NRXN1: variants seen among roughly 807,000 people sequenced by gnomAD.
The protein encoded by NRXN1 is neurexin 1, also known as neurexin-1.
NRXN1 carries 39 observed loss-of-function variants against 150.9 expected under a neutral mutation model. The ratio of observed to expected loss-of-function variants is 0.26; its 90% confidence interval spans 0.20 to 0.34. NRXN1 has a LOEUF of 0.34. Among genes scored for constraint, NRXN1 ranks in the 10% least tolerant of loss-of-function variants. The probability of loss-of-function intolerance (pLI) is 1.00; values close to 1 mark genes in which losing one functional copy is unlikely to be tolerated. For missense variants in NRXN1, 1,815 were observed against 1,949.9 expected (o/e 0.93, Z 1.30); for synonymous variants, 924 against 757.0 (o/e 1.22, Z -3.62).
intron 16 of NRXN1, among the ~76,000 whole-genome samples, chr2:50,469,360 G>T (rs899862061): frequency 6.6e-6 from 1 of 151,644 alleles, no homozygotes; most frequent in African/African-American, 2.4e-5. Context: ...GGCAACAAGT[G>T]ATTATTTAGG....
At chr2:50,446,395 C>G (rs2086404159) in intron 17 of NRXN1, among the ~76,000 whole-genome samples, 1 of 126,590 alleles carries the variant, frequency 7.9e-6, no homozygotes, top group Admixed American at 8.3e-5. Flanking sequence ...TTCCTATCTC[C>G]CCCTGCTTGC....
chr2:50,329,199 G>T (rs994455807), intron 17 of NRXN1, among the ~76,000 whole-genome samples: 1 of 152,060 alleles, frequency 6.6e-6, no homozygotes, highest in Non-Finnish European at 1.5e-5. Flanking sequence ...CATCAATAAA[G>T]AATTCTTGCA....
intron 17 of NRXN1, among the ~76,000 whole-genome samples, chr2:50,264,825 C>T (rs648046): frequency 0.41 from 62,504 of 151,782 alleles, 13,086 homozygotes; most frequent in Middle Eastern, 0.46. Flanking sequence ...GAAGTGGGAA[C>T]AAGACCATGA....
At chr2:50,425,018 C>T (rs2084366681) in intron 17 of NRXN1, among the ~76,000 whole-genome samples, 1 of 152,060 alleles carries the variant, frequency 6.6e-6, no homozygotes, top group Admixed American at 6.6e-5. Flanking sequence ...GACTGGACCT[C>T]AGAATAAGAA....
At chr2:50,043,097 C>CA (rs1691266427) in intron 21 of NRXN1, among the ~76,000 whole-genome samples, 1 of 152,140 alleles carries the variant, frequency 6.6e-6, no homozygotes, top group Admixed American at 6.5e-5. Flanking sequence ...ATACCAAATA[C>CA]AAATTTCAGA....
Position 50,497,701 on chromosome 2 carries a change from A to G in NRXN1, c.2511T>C (p.Gly837=), listed in dbSNP as rs780290017. Residue 837 remains glycine, a synonymous_variant, in exon 14 of 23, where the codon GGT becomes GGC. Coordinates refer to ENST00000401669, the MANE Select transcript of NRXN1 (RefSeq NM_001330078.2). ...TATGGAACTCCAGCCTAGTATGATC[A>G]CCTGCCATTTGACCTAAAAGAGAAG... The part of the protein sequence containing the change: ...DQQAMTGQMA[G]DHTRLEFHNI... The G allele has an allele frequency of 1.9e-6, 3 of 1,608,750 alleles. No individual in the cohort carries two copies. The highest frequency in any genetic ancestry group is 2.2e-5 in the South Asian group (2 of 90,560).
At chr2:50,019,411 G>A (rs1349206027) in intron 21 of NRXN1, 13 of 416,800 alleles carry the variant, frequency 3.1e-5, no homozygotes, top group South Asian at 1.9e-4. Context: ...TTGGGAGGCC[G>A]AGGTGGGTGG....
chr2:50,212,040 A>T (rs905215231), intron 18 of NRXN1, among the ~76,000 whole-genome samples: 1 of 151,542 alleles, frequency 6.6e-6, no homozygotes, highest in South Asian at 2.1e-4. Flanking sequence ...TTATTGGCAA[A>T]CTAAATCCAC....
chr2:50,151,430 A>T (rs1233033677), intron 18 of NRXN1, among the ~76,000 whole-genome samples: 2 of 151,912 alleles, frequency 1.3e-5, no homozygotes, highest in East Asian at 3.9e-4. Flanking sequence ...GCACCAGTAT[A>T]GCATTCTTAT....
At chr2:50,291,598 C>G (rs1337482851) in intron 17 of NRXN1, among the ~76,000 whole-genome samples, 1 of 152,150 alleles carries the variant, frequency 6.6e-6, no homozygotes, top group East Asian at 1.9e-4. Context: ...CCAATACCAG[C>G]TAGAAACAAT....
intron 8 of NRXN1, among the ~76,000 whole-genome samples, chr2:50,578,425 T>C (rs1671759864): frequency 6.6e-6 from 1 of 152,286 alleles, no homozygotes; most frequent in African/African-American, 2.4e-5. Context: ...TTTGAGGTCA[T>C]GGGAGATTCA....
At chr2:50,188,668 A>T (rs2061245824) in intron 18 of NRXN1, among the ~76,000 whole-genome samples, 1 of 152,148 alleles carries the variant, frequency 6.6e-6, no homozygotes, top group Non-Finnish European at 1.5e-5. Flanking sequence ...AACTTAAACA[A>T]ATTTACAAGA....
At chr2:50,679,549 T>G (rs1371330156) in intron 5 of NRXN1, among the ~76,000 whole-genome samples, 1 of 152,134 alleles carries the variant, frequency 6.6e-6, no homozygotes, top group African/African-American at 2.4e-5. Context: ...CATATTAAAA[T>G]CAATGAGAGA....
At chr2:49,928,769 T>A (rs1358550226) in intron 22 of NRXN1, among the ~76,000 whole-genome samples, 1 of 152,200 alleles carries the variant, frequency 6.6e-6, no homozygotes, top group Non-Finnish European at 1.5e-5. Context: ...CAATGATTTA[T>A]ATGACATGCA....
At chr2:50,220,007 A>ATGGTTGGCAGAATATTTAT (rs1378205239) in intron 18 of NRXN1, among the ~76,000 whole-genome samples, 2 of 37,060 alleles carry the variant, frequency 5.4e-5, no homozygotes, top group African/African-American at 2.8e-4. Flanking sequence ...TATATTATAT[A>ATGGTTGGCAGAATATTTAT]ATATATTATA....
intron 5 of NRXN1, among the ~76,000 whole-genome samples, chr2:50,652,525 A>G (rs1685792394): frequency 6.6e-6 from 1 of 152,108 alleles, no homozygotes. Context: ...TCCATGTAGC[A>G]TATAGCATGT....
chr2:50,349,996 T>G (rs1259657126), intron 17 of NRXN1, among the ~76,000 whole-genome samples: 5 of 152,210 alleles, frequency 3.3e-5, no homozygotes, highest in African/African-American at 1.2e-4. Context: ...TCTTAGTACT[T>G]ACAGTCAGTT....
At chr2:49,968,265 T>C (rs1165366755) in intron 21 of NRXN1, among the ~76,000 whole-genome samples, 1 of 152,120 alleles carries the variant, frequency 6.6e-6, no homozygotes, top group Non-Finnish European at 1.5e-5. Context: ...TATGCAGTTA[T>C]GCCAAAGTGT....
intron 21 of NRXN1, among the ~76,000 whole-genome samples, chr2:50,035,161 T>A (rs1193845428): frequency 2.0e-5 from 3 of 152,130 alleles, no homozygotes; most frequent in African/African-American, 4.8e-5. Context: ...TATGGGGACA[T>A]CTAATAAAAA....
Sources: gnomAD v4.1 joint callset for allele counts (sites outside exome capture counted in the v4.1 genomes callset) on GRCh38, gnomAD v4.1.1 for gene constraint, MANE v1.5 for transcripts, NCBI Gene and HGNC (gene_info 2026-07-23, HGNC 2026-07-21) for gene names.